Variants in OXR1 observed in about 807,000 individuals in gnomAD.
OXR1 encodes the protein oxidation resistance protein 1.
OXR1 carries 41 observed loss-of-function variants against 104.6 expected under a neutral mutation model. The ratio of observed to expected loss-of-function variants is 0.39; its 90% CI spans 0.31 to 0.51. The LOEUF (loss-of-function observed/expected upper bound fraction) is 0.51. Among genes scored for constraint, OXR1 ranks in the 20% least tolerant of loss-of-function variants. The pLI, the probability that OXR1 is intolerant of heterozygous loss-of-function variation, is 0.77. For missense variants in OXR1, 955 were observed against 1,031.9 expected (o/e 0.93, Z 1.02); for synonymous variants, 348 against 348.4 (o/e 1.00, Z 0.01).
At chr8:106,447,086 G>A (rs1405159105) in intron 2 of OXR1, among the ~76,000 whole-genome samples, 3 of 152,154 alleles carry the variant, frequency 2.0e-5, no homozygotes, top group Non-Finnish European at 4.4e-5. Flanking sequence ...ATAATGTTGT[G>A]TAATTTATAG....
At chr8:106,438,127 A>G (rs1819651259) in intron 2 of OXR1, among the ~76,000 whole-genome samples, 2 of 152,150 alleles carry the variant, frequency 1.3e-5, no homozygotes, top group East Asian at 1.9e-4. Flanking sequence ...GTACATTGTA[A>G]TATGTGTGGA....
intron 2 of OXR1, among the ~76,000 whole-genome samples, chr8:106,384,907 G>A (rs975221684): frequency 5.3e-5 from 8 of 151,480 alleles, no homozygotes; most frequent in African/African-American, 1.9e-4. Flanking sequence ...TAGAGATGGG[G>A]GTTTACTAGG....
intron 2 of OXR1, among the ~76,000 whole-genome samples, chr8:106,436,018 C>T (rs1586641165): frequency 6.6e-6 from 1 of 152,036 alleles, no homozygotes; most frequent in Non-Finnish European, 1.5e-5. Context: ...TTTTGAAATC[C>T]ACTTCACATT....
chr8:106,322,425 G>GC (rs1297438470), intron 1 of OXR1, among the ~76,000 whole-genome samples: 2 of 152,212 alleles, frequency 1.3e-5, no homozygotes, highest in Non-Finnish European at 2.9e-5. Flanking sequence ...TCTATATCAA[G>GC]CCCACAGCCA....
intron 3 of OXR1, among the ~76,000 whole-genome samples, chr8:106,602,422 A>G (rs1478731243): frequency 6.6e-6 from 1 of 152,106 alleles, no homozygotes; most frequent in Non-Finnish European, 1.5e-5. Context: ...ATGTTTTGGA[A>G]GTGAAACAGG....
chr8:106,698,308 G>T (rs533610269), intron 7 of OXR1, among the ~76,000 whole-genome samples: 28 of 152,130 alleles, frequency 1.8e-4, no homozygotes, highest in Non-Finnish European at 2.5e-4. Context: ...TCTATCTTTG[G>T]TTGCACTTAA....
At chr8:106,326,263 G>A (rs867872875) in intron 1 of OXR1, among the ~76,000 whole-genome samples, 3 of 152,190 alleles carry the variant, frequency 2.0e-5, no homozygotes, top group Non-Finnish European at 4.4e-5. Flanking sequence ...TGTCCCTAGT[G>A]TGTTGCGTAG....
At chr8:106,644,254 G>A (rs976843123) in intron 3 of OXR1, among the ~76,000 whole-genome samples, 5 of 152,068 alleles carry the variant, frequency 3.3e-5, no homozygotes, top group African/African-American at 7.2e-5. Flanking sequence ...GAATAGTTTC[G>A]CAATCTCAGA....
intron 2 of OXR1, among the ~76,000 whole-genome samples, chr8:106,488,365 T>C (rs201918460): frequency 0.41 from 54,750 of 132,284 alleles, 13,821 homozygotes; most frequent in Non-Finnish European, 0.56. Context: ...TTCTCCCATT[T>C]TGTAGGTTGC....
chr8:106,569,043 C>A (rs1276068425), intron 3 of OXR1, among the ~76,000 whole-genome samples: 2 of 151,964 alleles, frequency 1.3e-5, no homozygotes, highest in Admixed American at 6.6e-5. Context: ...GTACTGGATA[C>A]CCTTTTAAAC....
At chr8:106,288,305 T>G (rs1004554550) in intron 1 of OXR1, among the ~76,000 whole-genome samples, 3 of 152,166 alleles carry the variant, frequency 2.0e-5, no homozygotes, top group African/African-American at 7.2e-5. Context: ...GCCGACAGCC[T>G]GAGCATTCTG....
chr8:106,320,622 AATTCTT>A (rs554973134), intron 1 of OXR1, among the ~76,000 whole-genome samples: 68 of 152,092 alleles, frequency 4.5e-4, no homozygotes, highest in Admixed American at 5.9e-4. Flanking sequence ...CTGTGTTTTT[AATTCTT>A]ATTTTCTCCC....
rs146274383 is a variant in OXR1, at chr8:106,316,428, A to G, written c.-138-43048A>G. Among the ~76,000 whole-genome samples the G allele has an allele frequency of 2.9e-3, 441 of 152,274 alleles. 4 individuals are homozygous for G. The East Asian group carries it at 0.042, about 15-fold the overall frequency. ...TGAGGACAGGCAGGGCTTTTTGGACATTCCTACCTCATTACATTTTGCATT... is the reference window on the plus strand; with the variant it reads ...TGAGGACAGGCAGGGCTTTTTGGACGTTCCTACCTCATTACATTTTGCATT... On this transcript the variant is annotated intron_variant, in intron 1 of 16. Coordinates refer to ENST00000517566, the MANE Select transcript of OXR1 (RefSeq NM_001198533.2).
At chr8:106,585,409 A>G (rs570988614) in intron 3 of OXR1, among the ~76,000 whole-genome samples, 2 of 152,106 alleles carry the variant, frequency 1.3e-5, no homozygotes, top group Non-Finnish European at 2.9e-5. Flanking sequence ...GTCTAAACCA[A>G]CTTGCTAGGT....
At chr8:106,527,824 TAAATA>T (rs1813804282) in intron 3 of OXR1, among the ~76,000 whole-genome samples, 1 of 152,204 alleles carries the variant, frequency 6.6e-6, no homozygotes, top group Admixed American at 6.5e-5. Context: ...GGTCCTACTG[TAAATA>T]GTTTCAAAGC....
At chr8:106,311,427 A>G (rs1051659510) in intron 1 of OXR1, among the ~76,000 whole-genome samples, 1 of 151,918 alleles carries the variant, frequency 6.6e-6, no homozygotes, top group African/African-American at 2.4e-5. Flanking sequence ...GGTAAGCATT[A>G]CTATTTTATC....
chr8:106,637,490 T>C (rs572736009), intron 3 of OXR1, among the ~76,000 whole-genome samples: 1 of 152,296 alleles, frequency 6.6e-6, no homozygotes, highest in Admixed American at 6.5e-5. Context: ...ATGTTACAGA[T>C]AGTTCAAAGG....
intron 3 of OXR1, among the ~76,000 whole-genome samples, chr8:106,591,131 T>C (rs1819047427): frequency 6.6e-6 from 1 of 151,710 alleles, no homozygotes; most frequent in Non-Finnish European, 1.5e-5. Context: ...GTTCTTGTCC[T>C]TTGTAGGGAC....
chr8:106,458,464 T>G (rs189384046), intron 2 of OXR1, among the ~76,000 whole-genome samples: 1 of 152,230 alleles, frequency 6.6e-6, no homozygotes, highest in Admixed American at 6.5e-5. Context: ...CACCAAGATT[T>G]CAAGGACTGT....
Sources: gnomAD v4.1 joint callset for allele counts (sites outside exome capture counted in the v4.1 genomes callset) on GRCh38, gnomAD v4.1.1 for gene constraint, MANE v1.5 for transcripts, NCBI Gene and HGNC (gene_info 2026-07-23, HGNC 2026-07-21) for gene names.